ADGRF4: variants seen among roughly 807,000 people sequenced by gnomAD.
The protein encoded by ADGRF4 is adhesion G protein-coupled receptor F4.
ADGRF4 carries 63 observed loss-of-function variants against 58.5 expected under a neutral mutation model. The observed-to-expected ratio is 1.08, with a 90% CI of 0.88 to 1.33. ADGRF4 has a LOEUF of 1.33. Among genes scored for constraint, ADGRF4 ranks in the 40% most tolerant of loss-of-function variants. ADGRF4 has a pLI of 0.00. For synonymous variants in ADGRF4, 313 were observed against 295.4 expected, an observed-to-expected ratio of 1.06 and a Z score of -0.61; for missense variants, 931 against 843.9, an observed-to-expected ratio of 1.10 and a Z score of -1.28.
intron 1 of ADGRF4, 67 bp from the exon 2 acceptor site, chr6:47,707,163 G>A (rs1047426186): frequency 1.9e-5 from 17 of 884,272 alleles, no homozygotes; most frequent in African/African-American, 8.2e-5. Context: ...TTGGTTAGCC[G>A]GATAAGTATT....
intron 1 of ADGRF4, among the ~76,000 whole-genome samples, chr6:47,701,695 TGAC>T (rs2113892959): frequency 6.6e-6 from 1 of 152,348 alleles, no homozygotes; most frequent in Admixed American, 6.5e-5. Flanking sequence ...ATCAGCACAG[TGAC>T]GGGCATTAGG....
rs1026349391 is a variant in ADGRF4 at position 47,710,944 on chromosome 6, C to T, written c.300+58C>T. On this transcript the variant is annotated intron_variant, in intron 4 of 9. Coordinates refer to ENST00000283303, the MANE Select transcript of ADGRF4 (RefSeq NM_153838.5). The stretch of plus-strand genomic sequence containing the variant: ...CCAATCCCCCAGCAGAAAGTAGACA[C>T]ATTTTTAATGTGATCTGTTCAGCAT... 15 of 1,472,450 alleles carry T rather than the reference C, an allele frequency of 1.0e-5. 1 individual carries two copies. The South Asian group carries it at 1.1e-4, about 11-fold the overall frequency. The allele number at this position is 1,472,450 out of a possible 1,614,324, so 91.2% of individuals were successfully genotyped here. A position where few individuals can be genotyped will look rare whatever the true frequency, so the allele number is the denominator to read the frequency against.
At position 47,713,977 on chromosome 6, in the gene ADGRF4, G is replaced by A. The variant is rs761064699; in HGVS notation, c.732G>A (p.Gly244=). 6.2e-7 allele frequency: 1 copy of A among 1,604,826 alleles called. No homozygotes were observed. The highest frequency in any genetic ancestry group is 8.5e-7 in the Non-Finnish European group (1 of 1,175,418). ...ATGAACTCTTCATTCAGACAAAAGG[G>A]TTTCACATCAACCATAATACCTCAG... ...IVNELFIQTK[G]FHINHNTSEK... Residue 244 remains glycine (G), a synonymous_variant, in exon 6 of 10, where the codon GGG becomes GGA. Coordinates refer to ENST00000283303, the MANE Select transcript of ADGRF4 (RefSeq NM_153838.5).
rs1772153861 is a variant in ADGRF4 at position 47,721,355 on chromosome 6, G to A, written c.*150G>A. 1 of 152,112 alleles carries A rather than the reference G, an allele frequency of 6.6e-6. No homozygotes were observed. The highest frequency in any genetic ancestry group is 6.5e-5 in the Admixed American group (1 of 15,288). The allele number at this position is 152,112 out of a possible 1,614,324, so 9.4% of individuals were successfully genotyped here. A position where few individuals can be genotyped will look rare whatever the true frequency, so the allele number is the denominator to read the frequency against. ...GTCAGGAGTGACTCCCAAGCTCTTG[G>A]TCGGCCGAAGAAAAACTGAGGATAA... On this transcript the variant is annotated 3_prime_UTR_variant, in exon 10 of 10. Transcript: ENST00000283303.
chr6:47,706,075 G>C (rs571953815), intron 1 of ADGRF4, among the ~76,000 whole-genome samples: 2 of 152,298 alleles, frequency 1.3e-5, no homozygotes, highest in African/African-American at 4.8e-5. Context: ...GTAGACATCA[G>C]ATTATAGTAT....
chr6:47,714,289 G>C lies in ADGRF4; in HGVS notation c.1044G>C (p.Gln348His), dbSNP rs764872187. 1.2e-6 allele frequency: 2 copies of C among 1,614,196 alleles called. No individual in the cohort carries two copies. The highest frequency in any genetic ancestry group is 1.7e-6 in the Non-Finnish European group (2 of 1,180,024). Residue 348 changes from glutamine to histidine, a missense_variant, in exon 6 of 10, where the codon CAG becomes CAC. Gln to His is a conservative substitution (Grantham distance 24). Coordinates refer to ENST00000283303, the MANE Select transcript of ADGRF4 (RefSeq NM_153838.5). ...ATAAAACCCGCAATGCCAGAGCCCA[G>C]TGTGTTGGCTGGCACTCCAAGAAAA... is the stretch of plus-strand genomic sequence containing the variant. ...KINKTRNARA[Q>H]CVGWHSKKRR...
rs184688649 is a variant in ADGRF4 at position 47,713,451 on chromosome 6, T to G, written c.553-347T>G. On this transcript the variant is annotated intron_variant, in intron 5 of 9. Coordinates refer to ENST00000283303, the MANE Select transcript of ADGRF4 (RefSeq NM_153838.5). ...AGGGAGATAGGGACAGGGTGTGCAG[T>G]CTTTCTCAAGCTTGGATGACCAGAG... Among the ~76,000 whole-genome samples, 175 of 152,284 alleles carry G rather than the reference T, an allele frequency of 1.1e-3. 2 individuals carry two copies. The highest frequency in any genetic ancestry group is 4.0e-3 in the African/African-American group (168 of 41,546).
intron 6 of ADGRF4, 62 bp from the exon 7 acceptor site, chr6:47,716,744 A>G (rs899474151): frequency 7.9e-7 from 1 of 1,270,694 alleles, no homozygotes. Flanking sequence ...GCGGTATGAA[A>G]ATAACAGCAG....
chr6:47,716,250 C>T (rs1401011599), intron 6 of ADGRF4, among the ~76,000 whole-genome samples: 1 of 152,110 alleles, frequency 6.6e-6, no homozygotes, highest in Non-Finnish European at 1.5e-5. Flanking sequence ...GTTTCTTCAC[C>T]ATGAACTCTC....
chr6:47,715,328 G>T, intron 6 of ADGRF4, 151 bp downstream of exon 6: 1 of 625,484 alleles, frequency 1.6e-6, no homozygotes, highest in East Asian at 2.7e-5. Flanking sequence ...TGTATTGATT[G>T]TCAAGTTGAA....
At chr6:47,707,395 G>A (rs1000640845) in intron 2 of ADGRF4, 57 bp downstream of exon 2, 25 of 963,720 alleles carry the variant, frequency 2.6e-5, no homozygotes, top group Non-Finnish European at 3.7e-5. Context: ...TGCCCTCAAT[G>A]GCAAGACTTC....
Position 47,699,939 on chromosome 6 carries a change from C to T in ADGRF4, c.-17+1145C>T, listed in dbSNP as rs371263836. 4.3e-3 allele frequency among the ~76,000 whole-genome samples: 649 copies of T among 151,526 alleles called. 3 individuals are homozygous for T. Among genetic ancestry groups the T allele is most frequent in the African/African-American group, 0.014 (569 of 41,332 alleles). ...ACACACACACAGACGACACACCCCC[C>T]CCCCCAAAATGTGGGTCACTTAACT... On this transcript the variant is annotated intron_variant, in intron 1 of 9. Coordinates refer to ENST00000283303, the MANE Select transcript of ADGRF4 (RefSeq NM_153838.5).
rs375936404 is a variant in ADGRF4 at position 47,721,642 on chromosome 6, G to C, written c.*437G>C. 2 of 152,110 alleles carry C rather than the reference G, an allele frequency of 1.3e-5. No homozygotes were observed. The highest frequency in any genetic ancestry group is 3.9e-4 in the East Asian group (2 of 5,190). 9.4% of individuals were successfully genotyped at this position (152,110 alleles called of 1,614,324 possible). A position where few individuals can be genotyped will look rare whatever the true frequency, so the allele number is the denominator to read the frequency against. ...TGGGTACTTTGGACAGTGAGGGTTC[G>C]ATCCAATTTTAGGGGTAGGGTTGGG... On this transcript the variant is annotated 3_prime_UTR_variant, in exon 10 of 10. Transcript: ENST00000283303.
intron 3 of ADGRF4, among the ~76,000 whole-genome samples, chr6:47,708,724 A>G (rs576368742): frequency 6.2e-4 from 94 of 152,358 alleles, no homozygotes; most frequent in African/African-American, 2.2e-3. Context: ...AGAAGTGAGA[A>G]GTAAACTAAG....
chr6:47,707,811 T>A (rs1468976019), intron 2 of ADGRF4, among the ~76,000 whole-genome samples: 1 of 152,218 alleles, frequency 6.6e-6, no homozygotes, highest in Non-Finnish European at 1.5e-5. Context: ...TTCCTAGTAT[T>A]CCTGTTCATT....
intron 6 of ADGRF4, among the ~76,000 whole-genome samples, chr6:47,716,007 A>G (rs567900714): frequency 1.4e-5 from 2 of 145,282 alleles, no homozygotes; most frequent in South Asian, 2.2e-4. Flanking sequence ...TTTATCAAAG[A>G]CTCTGGGACT....
chr6:47,709,813 A>G (rs1307020069), intron 3 of ADGRF4, among the ~76,000 whole-genome samples: 1 of 151,820 alleles, frequency 6.6e-6, no homozygotes, highest in African/African-American at 2.4e-5. Flanking sequence ...CTCCTACTAT[A>G]AACAACTGTT....
intron 7 of ADGRF4, among the ~76,000 whole-genome samples, 158 bp downstream of exon 7, chr6:47,717,005 T>A (rs907540076): frequency 1.3e-5 from 2 of 152,056 alleles, no homozygotes; most frequent in African/African-American, 2.4e-5. Context: ...AACACACCAA[T>A]ATTCTGTCAT....
chr6:47,713,643 C>CT (rs764435692), intron 5 of ADGRF4, among the ~76,000 whole-genome samples, 155 bp from the exon 6 acceptor site: 22 of 152,126 alleles, frequency 1.4e-4, no homozygotes, highest in Non-Finnish European at 2.9e-4. Context: ...TCTGTGTGGC[C>CT]TTACTAATGT....
Sources: gnomAD v4.1 joint callset for allele counts (sites outside exome capture counted in the v4.1 genomes callset) on GRCh38, gnomAD v4.1.1 for gene constraint, MANE v1.5 for transcripts, NCBI Gene and HGNC (gene_info 2026-07-23, HGNC 2026-07-21) for gene names.